The following GABRB1 variants were observed in gnomAD, a reference collection of about 807,000 sequenced individuals.
GABRB1 encodes gamma-aminobutyric acid receptor subunit beta-1.
A neutral mutation model predicts 51.6 loss-of-function variants in GABRB1; 17 were observed. That is an observed-to-expected ratio of 0.33 (90% CI 0.23 to 0.49). The LOEUF is 0.49. Ranked by LOEUF, GABRB1 falls within the 20% of genes least tolerant of loss-of-function variation. GABRB1 has a pLI of 0.99. For missense variants in GABRB1, 410 were observed against 600.6 expected (o/e 0.68, Z 3.32); for synonymous variants, 247 against 218.9 (o/e 1.13, Z -1.14).
chr4:47,023,473 T>C (rs1368975786), intron 1 of GABRB1, among the ~76,000 whole-genome samples: 1 of 152,016 alleles, frequency 6.6e-6, no homozygotes, highest in Non-Finnish European at 1.5e-5. Flanking sequence ...CATTTTCAAG[T>C]CTTATTAAAG....
At chr4:47,283,349 G>A (rs552697081) in intron 4 of GABRB1, among the ~76,000 whole-genome samples, 1 of 124,086 alleles carries the variant, frequency 8.1e-6, no homozygotes, top group African/African-American at 3.0e-5. Flanking sequence ...TCCATACCTG[G>A]TGGCCCCTTT....
intron 1 of GABRB1, among the ~76,000 whole-genome samples, chr4:47,016,515 A>G (rs1724747492): frequency 6.6e-6 from 1 of 152,142 alleles, no homozygotes; most frequent in Admixed American, 6.5e-5. Context: ...AAATCCAGAA[A>G]TGTTCTTTAC....
At chr4:47,103,584 G>T (rs997082679) in intron 3 of GABRB1, among the ~76,000 whole-genome samples, 1 of 151,906 alleles carries the variant, frequency 6.6e-6, no homozygotes, top group South Asian at 2.1e-4. Context: ...TTCAATGAAC[G>T]TTTAGATTAG....
intron 8 of GABRB1, among the ~76,000 whole-genome samples, chr4:47,411,310 C>T (rs910999952): frequency 6.6e-6 from 1 of 151,820 alleles, no homozygotes; most frequent in African/African-American, 2.4e-5. Context: ...GAGTACTATT[C>T]CAGTAAAAAA....
chr4:47,384,064 T>A (rs1727688924), intron 5 of GABRB1, among the ~76,000 whole-genome samples: 1 of 152,074 alleles, frequency 6.6e-6, no homozygotes, highest in Non-Finnish European at 1.5e-5. Flanking sequence ...TGTTTATTTT[T>A]CCCAAACAGG....
At chr4:47,173,264 T>C (rs993804901) in intron 4 of GABRB1, among the ~76,000 whole-genome samples, 1 of 152,170 alleles carries the variant, frequency 6.6e-6, no homozygotes, top group Non-Finnish European at 1.5e-5. Flanking sequence ...ATTTAGATGA[T>C]TAAACTTCAG....
At chr4:47,065,132 T>C (rs1201705207) in intron 3 of GABRB1, among the ~76,000 whole-genome samples, 2 of 152,212 alleles carry the variant, frequency 1.3e-5, no homozygotes, top group Non-Finnish European at 2.9e-5. Context: ...GCCGTTCCCA[T>C]GGTTTTACCT....
At chr4:47,282,932 G>A (rs1449497115) in intron 4 of GABRB1, among the ~76,000 whole-genome samples, 1 of 152,204 alleles carries the variant, frequency 6.6e-6, no homozygotes, top group Non-Finnish European at 1.5e-5. Context: ...ATAGAAGGCT[G>A]TGTGCAGTAA....
At chr4:47,222,189 T>C (rs1720792826) in intron 4 of GABRB1, among the ~76,000 whole-genome samples, 1 of 152,162 alleles carries the variant, frequency 6.6e-6, no homozygotes, top group African/African-American at 2.4e-5. Flanking sequence ...TTCTCTCTGC[T>C]CTGCACATGT....
At chr4:47,230,078 A>T (rs1167760584) in intron 4 of GABRB1, among the ~76,000 whole-genome samples, 1 of 152,196 alleles carries the variant, frequency 6.6e-6, no homozygotes, top group African/African-American at 2.4e-5. Flanking sequence ...TATAATAAAG[A>T]CTGAATTCTA....
chr4:47,156,169 A>G (rs957211896), intron 3 of GABRB1, among the ~76,000 whole-genome samples: 1 of 151,628 alleles, frequency 6.6e-6, no homozygotes, highest in African/African-American at 2.4e-5. Flanking sequence ...TAGTCGCTGT[A>G]CTTTGCATTC....
intron 4 of GABRB1, among the ~76,000 whole-genome samples, chr4:47,225,587 T>C (rs1310424729): frequency 6.6e-6 from 1 of 152,156 alleles, no homozygotes; most frequent in Non-Finnish European, 1.5e-5. Context: ...AAATTCCAGC[T>C]AGCTATCTCA....
At chr4:47,031,226 GTCCCC>G (rs1301334947), upstream of GABRB1, 1 of 178,964 alleles carries the variant, frequency 5.6e-6, no homozygotes, top group East Asian at 1.5e-4. Flanking sequence ...CTCCTCCAGA[GTCCCC>G]GTTCTAGGAC....
intron 4 of GABRB1, among the ~76,000 whole-genome samples, chr4:47,267,956 G>C (rs1483726925): frequency 6.6e-6 from 1 of 152,068 alleles, no homozygotes; most frequent in Non-Finnish European, 1.5e-5. Flanking sequence ...TATGAAATTA[G>C]CACCTCCTGA....
intron 4 of GABRB1, among the ~76,000 whole-genome samples, chr4:47,260,761 G>A (rs1251210932): frequency 2.6e-5 from 4 of 152,056 alleles, no homozygotes; most frequent in Non-Finnish European, 5.9e-5. Context: ...GAGAATTTTA[G>A]ACCAATATCC....
chr4:47,249,134 T>A (rs1214865761), intron 4 of GABRB1, among the ~76,000 whole-genome samples: 1 of 152,142 alleles, frequency 6.6e-6, no homozygotes, highest in African/African-American at 2.4e-5. Context: ...GTCTTTTTGA[T>A]GTAGGCATTT....
chr4:47,067,550 T>C (rs1727141709), intron 3 of GABRB1, among the ~76,000 whole-genome samples: 1 of 152,196 alleles, frequency 6.6e-6, no homozygotes, highest in African/African-American at 2.4e-5. Flanking sequence ...TAATGCTTGC[T>C]GCTTTACTTT....
At chr4:47,044,420 T>G (rs963864468) in intron 3 of GABRB1, among the ~76,000 whole-genome samples, 1 of 152,048 alleles carries the variant, frequency 6.6e-6, no homozygotes, top group African/African-American at 2.4e-5. Flanking sequence ...TTTAAATCAC[T>G]TTAAGATGTC....
At chr4:47,241,427 A>C (rs554459732) in intron 4 of GABRB1, among the ~76,000 whole-genome samples, 8 of 152,220 alleles carry the variant, frequency 5.3e-5, no homozygotes, top group African/African-American at 1.9e-4. Flanking sequence ...AAGACCACAA[A>C]TGTGCTTTTC....
Sources: gnomAD v4.1 joint callset for allele counts (sites outside exome capture counted in the v4.1 genomes callset) on GRCh38, gnomAD v4.1.1 for gene constraint, MANE v1.5 for transcripts, NCBI Gene and HGNC (gene_info 2026-07-23, HGNC 2026-07-21) for gene names.